Variants in ZSCAN22 observed in about 807,000 individuals in gnomAD.
ZSCAN22 encodes zinc finger and SCAN domain containing 22.
A neutral mutation model predicts 12.4 loss-of-function variants in ZSCAN22; 7 were observed. The observed-to-expected ratio is 0.57, with a 90% CI of 0.32 to 1.06. The LOEUF (loss-of-function observed/expected upper bound fraction) is 1.06, where lower values mean the gene tolerates loss of function less well. Ranked by LOEUF, ZSCAN22 falls within the 50% of genes least tolerant of loss-of-function variation. The pLI, the probability that ZSCAN22 is intolerant of heterozygous loss-of-function variation, is 0.04. For synonymous variants in ZSCAN22, 243 were observed against 255.9 expected (o/e 0.95, Z 0.48); for missense variants, 576 against 631.7 (o/e 0.91, Z 0.94).
In ZSCAN22 at chr19:58,341,216, A is replaced by C. The variant is rs1163423994; in HGVS notation, c.*1890A>C. 6.6e-6 allele frequency: 1 copy of C among 152,206 alleles called. No individual in the cohort carries two copies. Among genetic ancestry groups the C allele is most frequent in the African/African-American group, 2.4e-5 (1 of 41,440 alleles). The allele number at this position is 152,206 out of a possible 1,614,324, so 9.4% of individuals were successfully genotyped here. A position where few individuals can be genotyped will look rare whatever the true frequency, so the allele number is the denominator to read the frequency against. ...AATAAGCCTGGCATGCAGTGGCCTC[A>C]ATAAAATGTGACTGTATTGAGTCAT... is the stretch of plus-strand genomic sequence containing the variant. On this transcript the variant is annotated 3_prime_UTR_variant, in exon 3 of 3. Transcript: ENST00000329665.
Position 58,339,460 on chromosome 19 carries a change from CA to C in ZSCAN22, c.*135del. 1 of 819,294 alleles carries C rather than the reference CA, an allele frequency of 1.2e-6. No homozygotes were observed. The highest frequency in any genetic ancestry group is 1.9e-6 in the Non-Finnish European group (1 of 537,036). The allele number at this position is 819,294 out of a possible 1,614,324, so 50.8% of individuals were successfully genotyped here. ...TGTCAAAATGATAGGTGCCTGAGGG[CA>C]GACTCGGGCTGTCTAGGAACCACTC... On this transcript the variant is annotated 3_prime_UTR_variant, in exon 3 of 3. Transcript: ENST00000329665. This position sits in a 1 kb window ranked among gnomAD's most constrained non-coding sequence, Gnocchi z 5.6.
At position 58,335,251 on chromosome 19, in the gene ZSCAN22, C is replaced by T; in HGVS notation, c.403+46C>T. On this transcript the variant is annotated intron_variant, in intron 2 of 2. Transcript: ENST00000329665. The surrounding 1 kb of genome is among the most constrained non-coding windows in gnomAD (Gnocchi z 4.1). ...GCTTCACGGCACACCAGAGATACACCCTGGACAGGAACATGGGAGCACAGG... is the reference window on the plus strand; with the variant it reads ...GCTTCACGGCACACCAGAGATACACTCTGGACAGGAACATGGGAGCACAGG... The T allele has an allele frequency of 6.7e-7, 1 of 1,489,288 alleles. No homozygotes were observed. Among genetic ancestry groups the T allele is most frequent in the Non-Finnish European group, 8.9e-7 (1 of 1,118,402 alleles). 92.3% of individuals were successfully genotyped at this position (1,489,288 alleles called of 1,614,324 possible).
chr19:58,335,232 C>G lies in ZSCAN22; in HGVS notation c.403+27C>G, dbSNP rs749463246. On this transcript the variant is annotated intron_variant, in intron 2 of 2. Transcript: ENST00000329665. The surrounding 1 kb of genome is among the most constrained non-coding windows in gnomAD (Gnocchi z 4.1). Reference sequence around the variant, plus strand: ...TAAAGGGGCGCCGTGGGCAGCTTCACGGCACACCAGAGATACACCCTGGAC... The same window carrying G: ...TAAAGGGGCGCCGTGGGCAGCTTCAGGGCACACCAGAGATACACCCTGGAC... 3.4e-5 allele frequency: 52 copies of G among 1,527,708 alleles called. No individual in the cohort carries two copies. The highest frequency in any genetic ancestry group is 4.4e-5 in the Non-Finnish European group (50 of 1,135,796). The allele number at this position is 1,527,708 out of a possible 1,614,324, so 94.6% of individuals were successfully genotyped here.
At position 58,335,296 on chromosome 19, in the gene ZSCAN22, C is replaced by T. The variant is rs575405702; in HGVS notation, c.403+91C>T. On this transcript the variant is annotated intron_variant, in intron 2 of 2. Transcript: ENST00000329665. This position sits in a 1 kb window ranked among gnomAD's most constrained non-coding sequence, Gnocchi z 4.1. ...CACAGGGCTCTGGTTTGGGGTTGCT[C>T]ATGCACCCATTCTCACATTTGTACT... 7.2e-7 allele frequency: 1 copy of T among 1,390,702 alleles called. No individual in the cohort carries two copies. Among genetic ancestry groups the T allele is most frequent in the East Asian group, 2.5e-5 (1 of 39,852 alleles). The allele number at this position is 1,390,702 out of a possible 1,614,324, so 86.1% of individuals were successfully genotyped here.
Position 58,339,338 on chromosome 19 carries a change from C to A in ZSCAN22, c.*12C>A. 6.3e-7 allele frequency: 1 copy of A among 1,578,868 alleles called. No individual in the cohort carries two copies. On this transcript the variant is annotated 3_prime_UTR_variant, in exon 3 of 3. Coordinates refer to ENST00000329665, the MANE Select transcript of ZSCAN22 (RefSeq NM_181846.3). The surrounding 1 kb of genome is among the most constrained non-coding windows in gnomAD (Gnocchi z 5.6). ...CGGTGCTGCAATGACCGGAAGTCGC[C>A]CCTGGGGGCGTAGCACAGCGTCTTC...
intron 1 of ZSCAN22, among the ~76,000 whole-genome samples, chr19:58,328,040 G>A (rs1380007721): frequency 6.6e-6 from 1 of 152,108 alleles, no homozygotes; most frequent in Non-Finnish European, 1.5e-5. Flanking sequence ...TGGTAGAGAC[G>A]GGCTTTCACC....
chr19:58,338,737 A>G lies in ZSCAN22; in HGVS notation c.887A>G (p.Tyr296Cys), dbSNP rs2051830194. 1.2e-6 allele frequency: 2 copies of G among 1,614,086 alleles called. No homozygotes were observed. Among genetic ancestry groups the G allele is most frequent in the Admixed American group, 1.7e-5 (1 of 60,008 alleles). The change falls in exon 3 of 3, where the codon TAT becomes TGT. Residue 296 changes from tyrosine to cysteine, a missense_variant. Coordinates refer to ENST00000329665, the MANE Select transcript of ZSCAN22 (RefSeq NM_181846.3). This position sits in a 1 kb window ranked among gnomAD's most constrained non-coding sequence, Gnocchi z 5.4. ...HQKTHSRKTP[Y>C]ACSECGKAFS... ...AAGACCCATTCTCGGAAGACCCCATATGCCTGCAGCGAGTGTGGGAAAGCC... is the reference window on the plus strand; with the variant it reads ...AAGACCCATTCTCGGAAGACCCCATGTGCCTGCAGCGAGTGTGGGAAAGCC...
At position 58,335,233 on chromosome 19, in the gene ZSCAN22, G is replaced by C; in HGVS notation, c.403+28G>C. ...AAAGGGGCGCCGTGGGCAGCTTCAC[G>C]GCACACCAGAGATACACCCTGGACA... On this transcript the variant is annotated intron_variant, in intron 2 of 2. Coordinates refer to ENST00000329665, the MANE Select transcript of ZSCAN22 (RefSeq NM_181846.3). The surrounding 1 kb of genome is among the most constrained non-coding windows in gnomAD (Gnocchi z 4.1). 3 of 1,525,522 alleles carry C rather than the reference G, an allele frequency of 2.0e-6. No individual in the cohort carries two copies. The highest frequency in any genetic ancestry group is 2.6e-6 in the Non-Finnish European group (3 of 1,134,718). 94.5% of individuals were successfully genotyped at this position (1,525,522 alleles called of 1,614,324 possible).
Position 58,338,527 on chromosome 19 carries a change from C to G in ZSCAN22, c.677C>G (p.Ser226Trp). 1 of 1,614,202 alleles carries G rather than the reference C, an allele frequency of 6.2e-7. No homozygotes were observed. The highest frequency in any genetic ancestry group is 8.5e-7 in the Non-Finnish European group (1 of 1,180,046). The change falls in exon 3 of 3, where the codon TCG becomes TGG. Residue 226 changes from serine to tryptophan, a missense_variant. Coordinates refer to ENST00000329665, the MANE Select transcript of ZSCAN22 (RefSeq NM_181846.3). This position sits in a 1 kb window ranked among gnomAD's most constrained non-coding sequence, Gnocchi z 5.4. ...CAGCGTGGCCGTGAATCTGGTGCCTCGAGGAACAGTTCTAGTGCGTGGCCA... is the reference window on the plus strand; with the variant it reads ...CAGCGTGGCCGTGAATCTGGTGCCTGGAGGAACAGTTCTAGTGCGTGGCCA... ...TDQRGRESGA[S>W]RNSSSAWPNL...
intron 1 of ZSCAN22, among the ~76,000 whole-genome samples, chr19:58,331,518 G>GTTA (rs74179462): frequency 0.25 from 30,073 of 118,906 alleles, 3,804 homozygotes; most frequent in Middle Eastern, 0.42. Flanking sequence ...TCCAGCTGAC[G>GTTA]TTATTATTAT....
chr19:58,329,308 GC>G lies in ZSCAN22; in HGVS notation c.-52+2195del, dbSNP rs547644120. Among the ~76,000 whole-genome samples, 89 of 152,316 alleles carry G rather than the reference GC, an allele frequency of 5.8e-4. No homozygotes were observed. The highest frequency in any genetic ancestry group is 2.1e-3 in the African/African-American group (86 of 41,564). On this transcript the variant is annotated intron_variant, in intron 1 of 2. Transcript: ENST00000329665. This position sits in a 1 kb window ranked among gnomAD's most constrained non-coding sequence, Gnocchi z 4.1. ...GCCATTGCTCTTTCTCAGGCCTCCT[GC>G]ATCTCTGTCCAGGGTGACTTCCTTG...
intron 1 of ZSCAN22, among the ~76,000 whole-genome samples, chr19:58,330,744 G>T (rs2051713531): frequency 6.6e-6 from 1 of 152,188 alleles, no homozygotes; most frequent in African/African-American, 2.4e-5. Context: ...GTAGCCGGTA[G>T]GTTCCCACTG....
intron 1 of ZSCAN22, among the ~76,000 whole-genome samples, chr19:58,332,107 G>A (rs984308112): frequency 1.1e-4 from 16 of 151,022 alleles, no homozygotes; most frequent in East Asian, 9.9e-4. Context: ...TCCTGACCTC[G>A]TGATCTACTC....
chr19:58,331,033 T>C (rs1196817271), intron 1 of ZSCAN22, among the ~76,000 whole-genome samples: 1 of 152,162 alleles, frequency 6.6e-6, no homozygotes, highest in Non-Finnish European at 1.5e-5. Flanking sequence ...CTGCCCTTAA[T>C]GTGCTGATAC....
At position 58,338,219 on chromosome 19, in the gene ZSCAN22, TAGG is replaced by T. The variant is rs1568545670; in HGVS notation, c.404-29_404-27del. ...GCAGAGTAGGGGAGGCTTGGTGTGGTAGGAGGAGTGACAGTGTGGTTCGGACTG... is the reference window on the plus strand; with the variant it reads ...GCAGAGTAGGGGAGGCTTGGTGTGGTAGGAGTGACAGTGTGGTTCGGACTG... On this transcript the variant is annotated intron_variant, in intron 2 of 2. Transcript: ENST00000329665. The surrounding 1 kb of genome is among the most constrained non-coding windows in gnomAD (Gnocchi z 5.4). The T allele has an allele frequency of 3.9e-6, 6 of 1,550,822 alleles. No individual in the cohort carries two copies. In the South Asian group the frequency reaches 4.8e-5, roughly 12 times the overall value.
chr19:58,339,116 C>T lies in ZSCAN22; in HGVS notation c.1266C>T (p.Ala422=). ...ACGRAFSDCS[A]LIRHLRIHSG... ...GCCGAGCCTTCAGCGACTGCTCAGC[C>T]CTGATCCGACATCTGAGAATCCACT... Residue 422 remains alanine, a synonymous_variant, in exon 3 of 3, where the codon GCC becomes GCT. Transcript: ENST00000329665. The surrounding 1 kb of genome is among the most constrained non-coding windows in gnomAD (Gnocchi z 5.6). The T allele has an allele frequency of 6.2e-7, 1 of 1,614,266 alleles. No individual in the cohort carries two copies. Among genetic ancestry groups the T allele is most frequent in the Admixed American group, 1.7e-5 (1 of 60,034 alleles).
At chr19:58,331,383 G>C (rs928297530) in intron 1 of ZSCAN22, among the ~76,000 whole-genome samples, 9 of 149,550 alleles carry the variant, frequency 6.0e-5, no homozygotes, top group Non-Finnish European at 1.3e-4. Context: ...CGCCTGTCTA[G>C]TTTTCATATT....
chr19:58,339,737 T>C lies in ZSCAN22; in HGVS notation c.*411T>C. On this transcript the variant is annotated 3_prime_UTR_variant, in exon 3 of 3. Transcript: ENST00000329665. The surrounding 1 kb of genome is among the most constrained non-coding windows in gnomAD (Gnocchi z 5.6). ...CTCATGTGGTTCTTCTTGCCTGCTTTTCTGCTGCTTAGCCCAGAACGGACA... is the reference window on the plus strand; with the variant it reads ...CTCATGTGGTTCTTCTTGCCTGCTTCTCTGCTGCTTAGCCCAGAACGGACA... 5.7e-6 allele frequency: 1 copy of C among 174,274 alleles called. No individual in the cohort carries two copies. Among genetic ancestry groups the C allele is most frequent in the Non-Finnish European group, 1.2e-5 (1 of 81,422 alleles). The allele number at this position is 174,274 out of a possible 1,614,324, so 10.8% of individuals were successfully genotyped here. A position where few individuals can be genotyped will look rare whatever the true frequency, so the allele number is the denominator to read the frequency against.
In ZSCAN22 at chr19:58,339,031, A is replaced by G; in HGVS notation, c.1181A>G (p.His394Arg). The change falls in exon 3 of 3, where the codon CAC (histidine) becomes CGC (arginine). Residue 394 changes from histidine to arginine, a missense_variant. His to Arg is a conservative substitution (Grantham distance 29). Coordinates refer to ENST00000329665, the MANE Select transcript of ZSCAN22 (RefSeq NM_181846.3). The surrounding 1 kb of genome is among the most constrained non-coding windows in gnomAD (Gnocchi z 5.6). The stretch of plus-strand genomic sequence containing the variant: ...GGGAAAGCCTTCAGCCAGAGCACGC[A>G]CCTGACTCAACACCAGCGCATCCAC... ...ACGKAFSQSTHLTQHQRIHTG... is the reference protein window; with the variant it reads ...ACGKAFSQSTRLTQHQRIHTG... 6.2e-7 allele frequency: 1 copy of G among 1,614,136 alleles called. No individual in the cohort carries two copies. The highest frequency in any genetic ancestry group is 8.5e-7 in the Non-Finnish European group (1 of 1,180,000).
Sources: gnomAD v4.1 joint callset for allele counts (sites outside exome capture counted in the v4.1 genomes callset) on GRCh38, gnomAD v4.1.1 for gene constraint, Gnocchi (gnomAD v3.1) non-coding constraint, MANE v1.5 for transcripts, NCBI Gene and HGNC (gene_info 2026-07-23, HGNC 2026-07-21) for gene names.